Variants in NEK1 observed in about 807,000 individuals in gnomAD.
NEK1 encodes serine/threonine-protein kinase Nek1.
Under a neutral mutation model 182.1 loss-of-function variants are expected in NEK1, and 137 were observed. That is an observed-to-expected ratio of 0.75 (90% CI 0.65 to 0.87). The LOEUF (loss-of-function observed/expected upper bound fraction) is 0.87, where lower values mean the gene tolerates loss of function less well. NEK1 is among the 40% of genes least tolerant of loss of function. NEK1 has a pLI of 0.00. For missense variants in NEK1, 1,391 were observed against 1,494.4 expected, an observed-to-expected ratio of 0.93 and a Z score of 1.14; for synonymous variants, 513 against 492.2, an observed-to-expected ratio of 1.04 and a Z score of -0.56.
At chr4:169,428,371 TAA>T (rs1491339761) in intron 29 of NEK1, among the ~76,000 whole-genome samples, 1 of 144,784 alleles carries the variant, frequency 6.9e-6, no homozygotes, top group Admixed American at 6.9e-5. Context: ...TATATATATA[TAA>T]TGGAATATTA....
In NEK1 at chr4:169,477,152, T is replaced by C; in HGVS notation, c.2406A>G (p.Thr802=). Residue 802 remains threonine, a synonymous_variant, in exon 26 of 36, where the codon ACA becomes ACG. Coordinates refer to ENST00000507142, the MANE Select transcript of NEK1 (RefSeq NM_001199397.3). ...GQLVIPLDEL[T]LDTSFSTTER... ...CAGTTGTAGAGAAGGATGTATCTAG[T>C]GTTAACTCATCCAGAGGAATCACAA... 6.2e-7 allele frequency: 1 copy of C among 1,604,800 alleles called. No homozygotes were observed. Among genetic ancestry groups the C allele is most frequent in the South Asian group, 1.1e-5 (1 of 89,356 alleles).
chr4:169,488,288 G>A (rs1028960754), intron 23 of NEK1, among the ~76,000 whole-genome samples: 2 of 152,060 alleles, frequency 1.3e-5, no homozygotes, highest in African/African-American at 4.8e-5. Flanking sequence ...TTTCTTCTAG[G>A]ATTTCTATAG....
At chr4:169,521,008 G>A (rs1755887479) in intron 19 of NEK1, among the ~76,000 whole-genome samples, 1 of 68,798 alleles carries the variant, frequency 1.5e-5, no homozygotes, top group Non-Finnish European at 2.9e-5. Context: ...AGGCAGGCAG[G>A]CCTCCTTGAG....
intron 31 of NEK1, among the ~76,000 whole-genome samples, chr4:169,407,339 C>G (rs913861016): frequency 1.3e-5 from 2 of 152,204 alleles, no homozygotes; most frequent in African/African-American, 4.8e-5. Context: ...ATTGTAGGAA[C>G]TGCTGATTAG....
chr4:169,415,822 T>C (rs768480176), intron 31 of NEK1, among the ~76,000 whole-genome samples: 4 of 152,154 alleles, frequency 2.6e-5, no homozygotes, highest in African/African-American at 4.8e-5. Flanking sequence ...TACATCTTAG[T>C]TTCTGCAAAA....
At chr4:169,596,791 A>G (rs1769569392) in intron 5 of NEK1, among the ~76,000 whole-genome samples, 1 of 152,222 alleles carries the variant, frequency 6.6e-6, no homozygotes, top group Non-Finnish European at 1.5e-5. Context: ...ACCTCTTCCT[A>G]TTTTAAATAG....
At chr4:169,453,843 C>T (rs1352497631) in intron 27 of NEK1, among the ~76,000 whole-genome samples, 1 of 152,154 alleles carries the variant, frequency 6.6e-6, no homozygotes, top group Admixed American at 6.5e-5. Flanking sequence ...CCCCTGATTT[C>T]CCACTTCACA....
chr4:169,395,462 C>T lies in NEK1; in HGVS notation c.3848-939G>A, dbSNP rs376374973. On this transcript the variant is annotated intron_variant, in intron 35 of 35. Transcript: ENST00000507142. ...TTTTGCATACTTCCATGTATGAGTA[C>T]TTATTTGCATTAAATTCCCATTTGT... 1.2e-4 allele frequency among the ~76,000 whole-genome samples: 18 copies of T among 152,260 alleles called. No homozygotes were observed. In the South Asian group the frequency reaches 3.5e-3, roughly 30 times the overall value.
chr4:169,546,777 A>T (rs1760540095), intron 18 of NEK1, among the ~76,000 whole-genome samples: 1 of 152,136 alleles, frequency 6.6e-6, no homozygotes. Flanking sequence ...AGTCTGTTTT[A>T]TCAGAGACTA....
At chr4:169,610,844 T>C (rs1772203802) in intron 2 of NEK1, among the ~76,000 whole-genome samples, 2 of 152,230 alleles carry the variant, frequency 1.3e-5, no homozygotes, top group African/African-American at 2.4e-5. Context: ...AAGAAGTCTT[T>C]TGGCGCTGTA....
At chr4:169,574,280 A>T (rs1156924529) in intron 12 of NEK1, among the ~76,000 whole-genome samples, 1 of 152,196 alleles carries the variant, frequency 6.6e-6, no homozygotes, top group Non-Finnish European at 1.5e-5. Flanking sequence ...AGTGACAGTG[A>T]GTCAGGTGTT....
chr4:169,553,118 G>C (rs1761670234), intron 18 of NEK1, among the ~76,000 whole-genome samples: 1 of 152,154 alleles, frequency 6.6e-6, no homozygotes, highest in Non-Finnish European at 1.5e-5. Context: ...AGCCAACTCA[G>C]TATTGAAGAA....
intron 27 of NEK1, among the ~76,000 whole-genome samples, chr4:169,451,860 A>G (rs1280193140): frequency 1.3e-5 from 2 of 152,178 alleles, no homozygotes; most frequent in East Asian, 3.9e-4. Flanking sequence ...TTTTTTGAAA[A>G]GATCAACAAA....
intron 5 of NEK1, among the ~76,000 whole-genome samples, chr4:169,597,065 T>C (rs896650363): frequency 3.8e-4 from 58 of 152,192 alleles, no homozygotes; most frequent in African/African-American, 1.2e-3. Flanking sequence ...ATGTGCTTTA[T>C]AAGGGAATAT....
intron 30 of NEK1, among the ~76,000 whole-genome samples, chr4:169,425,658 A>G (rs1736260872): frequency 6.6e-6 from 1 of 151,962 alleles, no homozygotes; most frequent in African/African-American, 2.4e-5. Flanking sequence ...AGATGAGACT[A>G]CAGGCATGCC....
At chr4:169,409,965 T>C (rs1334641653) in intron 31 of NEK1, among the ~76,000 whole-genome samples, 1 of 152,204 alleles carries the variant, frequency 6.6e-6, no homozygotes, top group African/African-American at 2.4e-5. Context: ...TTTTTTCTTA[T>C]TTGTTTGAGT....
At chr4:169,500,064 G>A (rs1034779418) in intron 23 of NEK1, among the ~76,000 whole-genome samples, 16 of 152,156 alleles carry the variant, frequency 1.1e-4, no homozygotes, top group Admixed American at 3.3e-4. Context: ...TGAGCTTCCC[G>A]GCCACTTTGT....
Position 169,508,242 on chromosome 4 carries a change from A to G in NEK1, c.1833+6T>C. ...ATTTCTTCAAAAAAATAGCTTTTCAACCTACCTTTTCACCACGAAGTTTGG... is the reference window on the plus strand; with the variant it reads ...ATTTCTTCAAAAAAATAGCTTTTCAGCCTACCTTTTCACCACGAAGTTTGG... On this transcript the variant is annotated splice_donor_region_variant and intron_variant, in intron 21 of 35. Coordinates refer to ENST00000507142, the MANE Select transcript of NEK1 (RefSeq NM_001199397.3). The G allele has an allele frequency of 6.3e-7, 1 of 1,580,568 alleles. No homozygotes were observed. Among genetic ancestry groups the G allele is most frequent in the Non-Finnish European group, 8.6e-7 (1 of 1,165,084 alleles).
chr4:169,607,387 A>C (rs1771527897), intron 2 of NEK1, among the ~76,000 whole-genome samples: 1 of 152,248 alleles, frequency 6.6e-6, no homozygotes, highest in Admixed American at 6.5e-5. Context: ...ATGTCTAAGA[A>C]AACAAGATAA....
Sources: allele counts gnomAD v4.1 joint callset (sites outside exome capture counted in the v4.1 genomes callset), GRCh38; gene constraint gnomAD v4.1.1; transcripts MANE v1.5; gene names NCBI Gene and HGNC (gene_info 2026-07-23, HGNC 2026-07-21).